Variants in BCL2 observed in about 807,000 individuals in gnomAD.
BCL2 encodes the protein apoptosis regulator Bcl-2.
Under a neutral mutation model 14.2 loss-of-function variants are expected in BCL2, and 1 was observed. The observed-to-expected ratio is 0.07, with a 90% CI of 0.02 to 0.33. The LOEUF (loss-of-function observed/expected upper bound fraction) is 0.33. BCL2 is among the 10% of genes least tolerant of loss of function. The probability of loss-of-function intolerance (pLI) is 0.99; values close to 1 mark genes in which losing one functional copy is unlikely to be tolerated. For synonymous variants in BCL2, 151 were observed against 137.2 expected (o/e 1.10, Z -0.70); for missense variants, 247 against 305.9 (o/e 0.81, Z 1.44).
intron 2 of BCL2, among the ~76,000 whole-genome samples, chr18:63,275,749 A>C (rs1352042780): frequency 6.6e-6 from 1 of 152,188 alleles, no homozygotes; most frequent in Non-Finnish European, 1.5e-5. Context: ...GCCATGGCCA[A>C]CCCTTGCAGG....
intron 2 of BCL2, among the ~76,000 whole-genome samples, chr18:63,259,299 A>G (rs934588691): frequency 6.6e-6 from 1 of 152,276 alleles, no homozygotes; most frequent in Admixed American, 6.5e-5. Context: ...GCAGCGTGTA[A>G]GTGTCCCAAG....
At chr18:63,154,651 C>T (rs1297657401) in intron 2 of BCL2, among the ~76,000 whole-genome samples, 1 of 152,198 alleles carries the variant, frequency 6.6e-6, no homozygotes, top group Non-Finnish European at 1.5e-5. Context: ...CAAATACCAC[C>T]TCCTCTGTGA....
At chr18:63,223,401 A>G (rs1271288819) in intron 2 of BCL2, among the ~76,000 whole-genome samples, 1 of 97,620 alleles carries the variant, frequency 1.0e-5, no homozygotes, top group Non-Finnish European at 2.7e-5. Flanking sequence ...CTCCGTTTCA[A>G]AAAAAAAAAA....
chr18:63,316,424 C>G (rs945551820), intron 2 of BCL2: 2 of 152,100 alleles, frequency 1.3e-5, no homozygotes, highest in Non-Finnish European at 1.5e-5. Flanking sequence ...CTGGAAGTCC[C>G]AACCCCTTTA....
intron 2 of BCL2, among the ~76,000 whole-genome samples, chr18:63,229,947 AG>A (rs1162029391): frequency 1.3e-5 from 2 of 152,198 alleles, no homozygotes; most frequent in Non-Finnish European, 2.9e-5. Context: ...GGAGATTTTT[AG>A]TACACATCTC....
Position 63,123,717 on chromosome 18 carries a change from A to C in BCL2, c.*4908T>G, listed in dbSNP as rs765955215. The C allele has an allele frequency of 7.4e-5, 16 of 214,952 alleles. No individual in the cohort carries two copies. Among genetic ancestry groups the C allele is most frequent in the Non-Finnish European group, 1.5e-4 (16 of 106,676 alleles). The allele number at this position is 214,952 out of a possible 1,614,324, so 13.3% of individuals were successfully genotyped here. On this transcript the variant is annotated 3_prime_UTR_variant, in exon 3 of 3. Coordinates refer to ENST00000333681, the MANE Select transcript of BCL2 (RefSeq NM_000633.3). ...AGCAAACCTTGGTTGAAAACTTAAG[A>C]AGGTATAATAAACAAAACCACCAAA...
intron 2 of BCL2, among the ~76,000 whole-genome samples, chr18:63,157,486 G>C (rs1914814069): frequency 6.6e-6 from 1 of 152,198 alleles, no homozygotes; most frequent in African/African-American, 2.4e-5. Flanking sequence ...AGTTGAAAAG[G>C]GGCACCTACG....
At chr18:63,240,177 C>T (rs1157306463) in intron 2 of BCL2, among the ~76,000 whole-genome samples, 25 of 151,990 alleles carry the variant, frequency 1.6e-4, no homozygotes, top group Admixed American at 6.6e-4. Flanking sequence ...TTGGTAGAGA[C>T]GGGGTCTTGC....
chr18:63,169,248 T>TTTCC (rs1915124208), intron 2 of BCL2, among the ~76,000 whole-genome samples: 2 of 108,144 alleles, frequency 1.8e-5, no homozygotes, highest in African/African-American at 3.6e-5. Flanking sequence ...CCCTTCGTGT[T>TTTCC]TTTCTTTCTT....
chr18:63,222,788 T>A (rs1432325742), intron 2 of BCL2, among the ~76,000 whole-genome samples: 3 of 152,306 alleles, frequency 2.0e-5, no homozygotes, highest in African/African-American at 7.2e-5. Context: ...TTAAAAGACA[T>A]AAAACCACCA....
rs558897855 is a variant in BCL2 at position 63,263,849 on chromosome 18, G to A, written c.585+54233C>T. On this transcript the variant is annotated intron_variant, in intron 2 of 2. Coordinates refer to ENST00000333681, the MANE Select transcript of BCL2 (RefSeq NM_000633.3). ...CTGCTGCAAATTTTTTTTTTAGACG[G>A]AGTTTCACTCTCATCACCCAGGCTG... Among the ~76,000 whole-genome samples the A allele has an allele frequency of 7.9e-5, 12 of 152,240 alleles. No individual in the cohort carries two copies. The South Asian group carries it at 1.7e-3, about 21-fold the overall frequency.
At chr18:63,239,823 T>C (rs1321743974) in intron 2 of BCL2, among the ~76,000 whole-genome samples, 1 of 152,118 alleles carries the variant, frequency 6.6e-6, no homozygotes. Flanking sequence ...GCATGGAATC[T>C]TCCCAGGGTT....
intron 2 of BCL2, among the ~76,000 whole-genome samples, chr18:63,266,639 A>G (rs75133383): frequency 1.5e-5 from 2 of 135,494 alleles, no homozygotes; most frequent in East Asian, 4.2e-4. Flanking sequence ...TCTCTCTCTC[A>G]CACACACACA....
intron 2 of BCL2, among the ~76,000 whole-genome samples, chr18:63,229,122 A>T (rs1910622438): frequency 6.6e-6 from 1 of 152,242 alleles, no homozygotes; most frequent in Non-Finnish European, 1.5e-5. Context: ...TACAGCAAAA[A>T]TTGAATTAAC....
intron 2 of BCL2, chr18:63,302,214 T>A (rs1912981065): frequency 2.2e-6 from 1 of 446,084 alleles, no homozygotes; most frequent in South Asian, 9.5e-5. Flanking sequence ...GCGCCTGTAA[T>A]CCCAGCTACT....
intron 2 of BCL2, among the ~76,000 whole-genome samples, chr18:63,243,450 A>T (rs182827492): frequency 4.6e-4 from 70 of 152,340 alleles, no homozygotes; most frequent in Admixed American, 1.1e-3. Context: ...TAATCTGTAC[A>T]ACAAAGCCCC....
At chr18:63,254,248 A>G (rs1271151419) in intron 2 of BCL2, among the ~76,000 whole-genome samples, 1 of 152,064 alleles carries the variant, frequency 6.6e-6, no homozygotes, top group Non-Finnish European at 1.5e-5. Flanking sequence ...GTGCTTAGAC[A>G]GAGTTCCTTC....
At chr18:63,133,122 G>T (rs1360866441) in intron 2 of BCL2, among the ~76,000 whole-genome samples, 1 of 152,140 alleles carries the variant, frequency 6.6e-6, no homozygotes, top group Non-Finnish European at 1.5e-5. Flanking sequence ...TGGCCCAAGG[G>T]GACAGGATGG....
chr18:63,250,602 G>A (rs1256790374), intron 2 of BCL2, among the ~76,000 whole-genome samples: 1 of 152,220 alleles, frequency 6.6e-6, no homozygotes, highest in Non-Finnish European at 1.5e-5. Flanking sequence ...TCCAGGGATA[G>A]ACAATTGATA....
Sources: gnomAD v4.1 joint callset for allele counts (sites outside exome capture counted in the v4.1 genomes callset) on GRCh38, gnomAD v4.1.1 for gene constraint, MANE v1.5 for transcripts, NCBI Gene and HGNC (gene_info 2026-07-23, HGNC 2026-07-21) for gene names.